KIF26B: variants seen among roughly 807,000 people sequenced by gnomAD.
KIF26B encodes the protein kinesin-like protein KIF26B.
Under a neutral mutation model 151.2 loss-of-function variants are expected in KIF26B, and 63 were observed. The ratio of observed to expected loss-of-function variants is 0.42; its 90% confidence interval spans 0.34 to 0.51. The LOEUF is 0.51. KIF26B is among the 20% of genes least tolerant of loss of function. KIF26B has a pLI of 0.07. For synonymous variants in KIF26B, 1,357 were observed against 1,262.1 expected, an observed-to-expected ratio of 1.08 and a Z score of -1.59; for missense variants, 2,813 against 2,913.6, an observed-to-expected ratio of 0.97 and a Z score of 0.79.
intron 4 of KIF26B, among the ~76,000 whole-genome samples, chr1:245,497,287 CA>C (rs1218902583): frequency 4.6e-5 from 7 of 152,064 alleles, no homozygotes; most frequent in African/African-American, 1.7e-4. Flanking sequence ...ATAGAACAGG[CA>C]GACAAAAAAT....
rs1333380379 is a variant in KIF26B, at chr1:245,201,380, CAG to C, written c.465+44701_465+44702del. Among the ~76,000 whole-genome samples, 29 of 152,178 alleles carry C rather than the reference CAG, an allele frequency of 1.9e-4. 1 individual carries two copies. Among genetic ancestry groups the C allele is most frequent in the Admixed American group, 1.8e-3 (27 of 15,288 alleles). ...CAGTTAGATGTTAGTAGAGAGGACA[CAG>C]AGATCATTTAAATGCTAGTAAGGGC... On this transcript the variant is annotated intron_variant, in intron 2 of 14. Coordinates refer to ENST00000407071, the MANE Select transcript of KIF26B (RefSeq NM_018012.4).
chr1:245,557,183 G>A (rs1183366911), intron 5 of KIF26B, among the ~76,000 whole-genome samples: 2 of 152,336 alleles, frequency 1.3e-5, no homozygotes, highest in African/African-American at 4.8e-5. Context: ...TAGAATTCTA[G>A]AACTTTCCAA....
In KIF26B at chr1:245,706,983, T is replaced by G. The variant is rs982241441; in HGVS notation, c.*4377T>G. 6.6e-6 allele frequency: 1 copy of G among 152,256 alleles called. No individual in the cohort carries two copies. The highest frequency in any genetic ancestry group is 1.5e-5 in the Non-Finnish European group (1 of 68,048). 9.4% of individuals were successfully genotyped at this position (152,256 alleles called of 1,614,324 possible). ...GTCAACATTGGTGGGTAACAGCTTATAAAGTGCATCACTTAGTAATCTTCC... is the reference window on the plus strand; with the variant it reads ...GTCAACATTGGTGGGTAACAGCTTAGAAAGTGCATCACTTAGTAATCTTCC... On this transcript the variant is annotated 3_prime_UTR_variant, in exon 15 of 15. Coordinates refer to ENST00000407071, the MANE Select transcript of KIF26B (RefSeq NM_018012.4).
In KIF26B at chr1:245,685,837, G is replaced by C; in HGVS notation, c.2854G>C (p.Ala952Pro). ...PSSFPFEELP[A>P]QFGPEQASRG... is the part of the protein sequence containing the mutation. ...CAGCTTTCCTTTCGAAGAACTGCCTGCTCAGTTTGGGCCAGAGCAGGCAAG... is the reference window on the plus strand; with the variant it reads ...CAGCTTTCCTTTCGAAGAACTGCCTCCTCAGTTTGGGCCAGAGCAGGCAAG... Residue 952 changes from alanine (A) to proline (P), a missense_variant, in exon 12 of 15, where the codon GCT (alanine) becomes CCT (proline). This residue lies in a region of KIF26B where 2,060 missense variants were observed against 2,088.6 expected (regional missense o/e 0.99). Transcript: ENST00000407071. 6.2e-7 allele frequency: 1 copy of C among 1,612,168 alleles called. No individual in the cohort carries two copies. Among genetic ancestry groups the C allele is most frequent in the Non-Finnish European group, 8.5e-7 (1 of 1,179,450 alleles).
chr1:245,262,144 C>A (rs1447908657), intron 2 of KIF26B, among the ~76,000 whole-genome samples: 1 of 152,094 alleles, frequency 6.6e-6, no homozygotes, highest in Admixed American at 6.6e-5. Flanking sequence ...CCTTATTTTT[C>A]TCATGTGATA....
At position 245,479,031 on chromosome 1, in the gene KIF26B, G is replaced by A. The variant is rs558131034; in HGVS notation, c.1166+59286G>A. On this transcript the variant is annotated intron_variant, in intron 4 of 14. Coordinates refer to ENST00000407071, the MANE Select transcript of KIF26B (RefSeq NM_018012.4). ...GGAGGGGTCCTGAGGGATCAGGAGCGCAGCTGAATGCACCGAGGTGGAGAT... is the reference window on the plus strand; with the variant it reads ...GGAGGGGTCCTGAGGGATCAGGAGCACAGCTGAATGCACCGAGGTGGAGAT... Among the ~76,000 whole-genome samples, 86 of 151,914 alleles carry A rather than the reference G, an allele frequency of 5.7e-4. 3 individuals carry two copies. The South Asian group carries it at 0.017, about 30-fold the overall frequency.
rs2043391898 is a variant in KIF26B at position 245,601,160 on chromosome 1, G to A, written c.1351-1417G>A. ...AGATCTAAACCCTCAGAGGTAGAGT[G>A]CGTCCCACACTCGGGCTCCTTCTAC... On this transcript the variant is annotated intron_variant, in intron 5 of 14. Transcript: ENST00000407071. The surrounding 1 kb of genome is among the most constrained non-coding windows in gnomAD (Gnocchi z 4.4). 6.6e-6 allele frequency among the ~76,000 whole-genome samples: 1 copy of A among 152,186 alleles called. No homozygotes were observed. Among genetic ancestry groups the A allele is most frequent in the South Asian group, 2.1e-4 (1 of 4,826 alleles).
chr1:245,679,929 T>C (rs1381275967), intron 10 of KIF26B, among the ~76,000 whole-genome samples: 1 of 152,048 alleles, frequency 6.6e-6, no homozygotes, highest in East Asian at 1.9e-4. Flanking sequence ...CTGTCCTCCA[T>C]AGCCAGGGCC....
Position 245,547,501 on chromosome 1 carries a change from A to G in KIF26B, c.1350+6551A>G, listed in dbSNP as rs181487877. Reference sequence around the variant, plus strand: ...CTCAGGAGGCTGAGGCAGGAGGATCACTTGAACCCGGGAGGCGGAGTTGCA... The same window carrying G: ...CTCAGGAGGCTGAGGCAGGAGGATCGCTTGAACCCGGGAGGCGGAGTTGCA... On this transcript the variant is annotated intron_variant, in intron 5 of 14. Coordinates refer to ENST00000407071, the MANE Select transcript of KIF26B (RefSeq NM_018012.4). Among the ~76,000 whole-genome samples the G allele has an allele frequency of 9.5e-4, 140 of 147,352 alleles. 2 individuals are homozygous for G. Among genetic ancestry groups the G allele is most frequent in the African/African-American group, 3.5e-3 (139 of 40,102 alleles).
intron 4 of KIF26B, among the ~76,000 whole-genome samples, chr1:245,461,021 C>T (rs1271212360): frequency 6.6e-6 from 1 of 152,178 alleles, no homozygotes; most frequent in Non-Finnish European, 1.5e-5. Context: ...GCAGAGGACC[C>T]AGCACAGGCG....
chr1:245,231,625 A>C (rs1353311794), intron 2 of KIF26B, among the ~76,000 whole-genome samples: 2 of 152,236 alleles, frequency 1.3e-5, no homozygotes, highest in African/African-American at 4.8e-5. Flanking sequence ...ACCCAGCGTG[A>C]TTAAATTCTA....
intron 5 of KIF26B, among the ~76,000 whole-genome samples, chr1:245,566,440 G>C (rs2043011074): frequency 6.6e-6 from 1 of 152,200 alleles, no homozygotes; most frequent in Admixed American, 6.5e-5. Flanking sequence ...TGATAATTGT[G>C]CTCACTGTAT....
intron 12 of KIF26B, among the ~76,000 whole-genome samples, chr1:245,697,148 G>A (rs771833713): frequency 6.6e-6 from 1 of 152,094 alleles, no homozygotes. Flanking sequence ...AAAGGAGCTC[G>A]GAGCCCAGAG....
chr1:245,415,120 G>A (rs762865763), intron 3 of KIF26B, among the ~76,000 whole-genome samples: 1 of 152,164 alleles, frequency 6.6e-6, no homozygotes, highest in Non-Finnish European at 1.5e-5. Context: ...AGGAAGGAGA[G>A]GTTATCAGCA....
At chr1:245,201,470 C>T (rs56197340) in intron 2 of KIF26B, among the ~76,000 whole-genome samples, 19,351 of 152,152 alleles carry the variant, frequency 0.13, 1,725 homozygotes, top group East Asian at 0.38. Context: ...AACCTTCAGC[C>T]CTGCCATGGT....
intron 2 of KIF26B, among the ~76,000 whole-genome samples, chr1:245,256,604 T>C (rs79952226): frequency 0.013 from 2,049 of 152,252 alleles, 37 homozygotes; most frequent in African/African-American, 0.036. Flanking sequence ...CCCAACCAAC[T>C]GAATGGACCT....
chr1:245,579,189 A>G (rs773826933), intron 5 of KIF26B, among the ~76,000 whole-genome samples: 1 of 152,182 alleles, frequency 6.6e-6, no homozygotes, highest in African/African-American at 2.4e-5. Context: ...TCTGTGAGCT[A>G]TATTTCATTG....
At chr1:245,502,442 G>T (rs1319494687) in intron 4 of KIF26B, among the ~76,000 whole-genome samples, 2 of 150,286 alleles carry the variant, frequency 1.3e-5, no homozygotes, top group Non-Finnish European at 2.9e-5. Flanking sequence ...CAGGAGAATT[G>T]CTTGAACCCA....
chr1:245,415,735 T>C (rs1674400158), intron 3 of KIF26B, among the ~76,000 whole-genome samples: 2 of 152,016 alleles, frequency 1.3e-5, no homozygotes, highest in Admixed American at 1.3e-4. Context: ...GCACAAGATA[T>C]TGACAGGAAA....
Sources: gnomAD v4.1 joint callset for allele counts (sites outside exome capture counted in the v4.1 genomes callset) on GRCh38, gnomAD v4.1.1 for gene constraint, gnomAD v4.1.1 regional missense constraint, Gnocchi (gnomAD v3.1) non-coding constraint, MANE v1.5 for transcripts, NCBI Gene and HGNC (gene_info 2026-07-23, HGNC 2026-07-21) for gene names.